The following LETM1 variants were observed in gnomAD, a reference collection of about 807,000 sequenced individuals.
LETM1 encodes the protein leucine zipper and EF-hand containing transmembrane protein 1.
In LETM1, 50 loss-of-function variants were observed where a neutral mutation model predicts 74.5. The observed-to-expected ratio is 0.67, with a 90% CI of 0.53 to 0.85. The LOEUF (loss-of-function observed/expected upper bound fraction) is 0.85, where lower values mean the gene tolerates loss of function less well. LETM1 is among the 40% of genes least tolerant of loss of function. The pLI is 0.00. For synonymous variants in LETM1, 446 were observed against 407.1 expected (o/e 1.10, Z -1.15); for missense variants, 824 against 967.8 (o/e 0.85, Z 1.97).
At chr4:1,846,767 G>C (rs2108855036) in intron 2 of LETM1, 1 of 152,228 alleles carries the variant, frequency 6.6e-6, no homozygotes, top group African/African-American at 2.4e-5. Context: ...CACAGATCTG[G>C]CTACTGAGCT....
chr4:1,852,899 G>T (rs758260703), intron 1 of LETM1, among the ~76,000 whole-genome samples: 10 of 152,142 alleles, frequency 6.6e-5, no homozygotes, highest in Non-Finnish European at 1.5e-4. Flanking sequence ...AACTTCCAGG[G>T]TTCTCAGCCC....
At chr4:1,852,787 T>C (rs751794853) in intron 1 of LETM1, among the ~76,000 whole-genome samples, 30 of 152,026 alleles carry the variant, frequency 2.0e-4, no homozygotes, top group Non-Finnish European at 3.5e-4. Context: ...TTGGAGGCTG[T>C]GGTGAGCCAT....
At chr4:1,818,119 C>T (rs1029016907) in intron 11 of LETM1, among the ~76,000 whole-genome samples, 2 of 151,770 alleles carry the variant, frequency 1.3e-5, no homozygotes, top group South Asian at 2.1e-4. Context: ...TTTTTTCCCA[C>T]GAGTAAACAC....
intron 6 of LETM1, among the ~76,000 whole-genome samples, chr4:1,826,511 G>A (rs566267847): frequency 4.6e-5 from 7 of 152,330 alleles, no homozygotes; most frequent in Admixed American, 2.6e-4. Context: ...CCCAGCTCCC[G>A]GTGCTGCCCG....
intron 4 of LETM1, among the ~76,000 whole-genome samples, chr4:1,835,232 G>A (rs1331575366): frequency 6.6e-6 from 1 of 152,158 alleles, no homozygotes; most frequent in Non-Finnish European, 1.5e-5. Context: ...ATCACCTGAG[G>A]TCAGGAGTTT....
intron 6 of LETM1, among the ~76,000 whole-genome samples, chr4:1,828,428 T>C: frequency 1.1e-5 from 1 of 90,938 alleles, no homozygotes; most frequent in African/African-American, 5.3e-5. Flanking sequence ...GCAGAGGGGC[T>C]CCTCACTTCC....
chr4:1,818,962 C>T (rs1458609093), intron 11 of LETM1, among the ~76,000 whole-genome samples: 1 of 151,646 alleles, frequency 6.6e-6, no homozygotes. Context: ...CACATGTTTA[C>T]AGTCTCATCC....
At chr4:1,840,524 G>A (rs371448617) in intron 3 of LETM1, among the ~76,000 whole-genome samples, 5 of 151,954 alleles carry the variant, frequency 3.3e-5, no homozygotes, top group South Asian at 2.1e-4. Context: ...AAAATTAGCC[G>A]GGCGTGGTGG....
Position 1,816,720 on chromosome 4 carries a change from C to G in LETM1, c.1931+7G>C, listed in dbSNP as rs1577308404. On this transcript the variant is annotated splice_region_variant and intron_variant, in intron 12 of 13. Transcript: ENST00000302787. ...GATCCCTCTCCCGCGCCCACCACCC[C>G]ACTCACCCCGTGGGCATGCCGTTGG... 1 of 1,612,420 alleles carries G rather than the reference C, an allele frequency of 6.2e-7. No homozygotes were observed. Among genetic ancestry groups the G allele is most frequent in the East Asian group, 2.2e-5 (1 of 44,828 alleles).
In LETM1 at chr4:1,834,348, C is replaced by T. The variant is rs1417223315; in HGVS notation, c.876+497G>A. 30 of 979,296 alleles carry T rather than the reference C, an allele frequency of 3.1e-5. No homozygotes were observed. The highest frequency in any genetic ancestry group is 4.7e-5 in the South Asian group (1 of 21,252). The allele number at this position is 979,296 out of a possible 1,614,324, so 60.7% of individuals were successfully genotyped here. On this transcript the variant is annotated intron_variant, in intron 5 of 13. Coordinates refer to ENST00000302787, the MANE Select transcript of LETM1 (RefSeq NM_012318.3). The surrounding 1 kb of genome is among the most constrained non-coding windows in gnomAD (Gnocchi z 5.0). ...AGGGATCTCGGTCCGTGGCAGCTGCCGTCTCCCCATCCTCACCTCACTCAC... is the reference window on the plus strand; with the variant it reads ...AGGGATCTCGGTCCGTGGCAGCTGCTGTCTCCCCATCCTCACCTCACTCAC...
chr4:1,834,979 C>T lies in LETM1; in HGVS notation c.742G>A (p.Glu248Lys), dbSNP rs1299100667. The T allele has an allele frequency of 6.2e-7, 1 of 1,613,934 alleles. No homozygotes were observed. The highest frequency in any genetic ancestry group is 1.3e-5 in the African/African-American group (1 of 75,062). The change falls in exon 5 of 14, where the codon GAG becomes AAG. Residue 248 changes from glutamate to lysine, a missense_variant. Physicochemically the swap from Glu to Lys is moderately conservative, Grantham distance 56. This residue lies in a region of LETM1 where 269 missense variants were observed against 348.8 expected (regional missense o/e 0.77). Transcript: ENST00000302787. This position sits in a 1 kb window ranked among gnomAD's most constrained non-coding sequence, Gnocchi z 5.0. Reference protein sequence around the residue: ...STFETQSLKEERLKKELRVKL... With the variant: ...STFETQSLKEKRLKKELRVKL... ...ACCCGAAGCTCCTTCTTCAGCCTCT[C>T]CTCCTGCAAGGGCAGAGAGGGCACT...
intron 7 of LETM1, among the ~76,000 whole-genome samples, chr4:1,824,275 C>A (rs1052724702): frequency 6.6e-6 from 1 of 152,116 alleles, no homozygotes; most frequent in African/African-American, 2.4e-5. Context: ...AAGCCGAAAT[C>A]GCGCCACTGC....
At chr4:1,822,145 C>G in intron 10 of LETM1, 36 bp downstream of exon 10, 1 of 1,369,496 alleles carries the variant, frequency 7.3e-7, no homozygotes, top group South Asian at 2.0e-5. Context: ...GCCATGCCCT[C>G]CTCAGCCTCC....
At chr4:1,838,600 C>A (rs941721482) in intron 3 of LETM1, among the ~76,000 whole-genome samples, 3 of 152,146 alleles carry the variant, frequency 2.0e-5, no homozygotes. Context: ...TCCCTTATGC[C>A]CGGGAGGGCT....
At chr4:1,817,245 CAAAAAAAAAAAA>C (rs60805612) in intron 11 of LETM1, among the ~76,000 whole-genome samples, 4 of 66,084 alleles carry the variant, frequency 6.1e-5, no homozygotes, top group Middle Eastern at 0.014. Context: ...ACTCTGTCTC[CAAAAAAAAAAAA>C]AAAAAAAAAA....
At chr4:1,822,120 T>G in intron 10 of LETM1, 61 bp downstream of exon 10, 1 of 1,342,728 alleles carries the variant, frequency 7.4e-7, no homozygotes, top group Non-Finnish European at 9.7e-7. Context: ...GCCCCACAAC[T>G]GTCCACAAAG....
chr4:1,839,020 TG>T (rs2108850098), intron 3 of LETM1, among the ~76,000 whole-genome samples: 1 of 152,214 alleles, frequency 6.6e-6, no homozygotes, highest in African/African-American at 2.4e-5. Flanking sequence ...ACATAGGCAC[TG>T]AAAATAAAAC....
In LETM1 at chr4:1,817,267, AAG is replaced by A. The variant is rs1340336547; in HGVS notation, c.1744-355_1744-354del. 5.4e-5 allele frequency among the ~76,000 whole-genome samples: 8 copies of A among 148,674 alleles called. No individual in the cohort carries two copies. In the South Asian group the frequency reaches 1.5e-3, roughly 27 times the overall value. On this transcript the variant is annotated intron_variant, in intron 11 of 13. Transcript: ENST00000302787. ...CTCCAAAAAAAAAAAAAAAAAAAAA[AAG>A]AATCTGGTTGGGCACAGTGACTCAT... is the stretch of plus-strand genomic sequence containing the variant.
chr4:1,816,936 T>C (rs991390740), intron 11 of LETM1, 22 bp from the exon 12 acceptor site: 5 of 1,601,218 alleles, frequency 3.1e-6, no homozygotes, highest in Non-Finnish European at 4.3e-6. Context: ...ATTTTGGTTG[T>C]AAAAAGTTTG....
Sources: allele counts gnomAD v4.1 joint callset (sites outside exome capture counted in the v4.1 genomes callset), GRCh38; gene constraint gnomAD v4.1.1; regional missense constraint gnomAD v4.1.1; non-coding constraint Gnocchi (gnomAD v3.1); transcripts MANE v1.5; gene names NCBI Gene and HGNC (gene_info 2026-07-23, HGNC 2026-07-21).